Variants in ATP2C1 observed in about 807,000 individuals in gnomAD.
ATP2C1 encodes calcium-transporting ATPase type 2C member 1.
Under a neutral mutation model 120.5 loss-of-function variants are expected in ATP2C1, and 31 were observed. That is an observed-to-expected ratio of 0.26 (90% CI 0.19 to 0.35). ATP2C1 has a LOEUF of 0.35. ATP2C1 is among the 10% of genes least tolerant of loss of function. The pLI is 1.00. For synonymous variants in ATP2C1, 351 were observed against 358.7 expected, an observed-to-expected ratio of 0.98 and a Z score of 0.24; for missense variants, 731 against 1,107.5, an observed-to-expected ratio of 0.66 and a Z score of 4.83.
chr3:130,979,377 A>T lies in ATP2C1; in HGVS notation c.1699A>T (p.Lys567Ter). Residue 567 changes from lysine (K) to a stop codon, truncating the protein, a stop_gained, in exon 19 of 28, where the codon AAA becomes TAA. Coordinates refer to ENST00000510168, the MANE Select transcript of ATP2C1 (RefSeq NM_001378687.1). LOFTEE classifies it high-confidence loss of function. Reference sequence around the variant, plus strand: ...ACTCATTGCCTCAGGAGTATCAATAAAAATGATTACTGGAGATTCACAGGA... The same window carrying T: ...ACTCATTGCCTCAGGAGTATCAATATAAATGATTACTGGAGATTCACAGGA... The part of the protein sequence containing the change: ...TTLIASGVSI[K>*]MITGDSQETA... The T allele has an allele frequency of 6.2e-7, 1 of 1,613,744 alleles. No individual in the cohort carries two copies. Among genetic ancestry groups the T allele is most frequent in the Non-Finnish European group, 8.5e-7 (1 of 1,179,750 alleles).
intron 2 of ATP2C1, among the ~76,000 whole-genome samples, chr3:130,919,601 A>G (rs142115499): frequency 0.013 from 1,976 of 152,244 alleles, 39 homozygotes; most frequent in African/African-American, 0.044. Context: ...GTTGGTGGAC[A>G]TTAGGTTTCT....
exon 1 of ATP2C1, chr3:130,850,819 C>T (rs1481973383): frequency 2.1e-6 from 3 of 1,422,626 alleles, no homozygotes; most frequent in Admixed American, 2.4e-5. Flanking sequence ...GCTTTCCTCA[C>T]TATGGATAGT....
chr3:131,012,395 C>G (rs1384012974), intron 26 of ATP2C1, among the ~76,000 whole-genome samples: 1 of 151,478 alleles, frequency 6.6e-6, no homozygotes, highest in Non-Finnish European at 1.5e-5. Flanking sequence ...GTAGCTGGGA[C>G]TACAGGTGCC....
intron 2 of ATP2C1, among the ~76,000 whole-genome samples, chr3:130,901,109 A>G (rs144380141): frequency 9.5e-4 from 144 of 152,304 alleles, no homozygotes; most frequent in African/African-American, 3.3e-3. Flanking sequence ...CACAAATGCC[A>G]GAAATAGCAT....
chr3:130,934,341 A>G (rs1012190037), intron 4 of ATP2C1, among the ~76,000 whole-genome samples: 25 of 152,180 alleles, frequency 1.6e-4, no homozygotes, highest in Non-Finnish European at 5.9e-5. Context: ...TCTTAAATTA[A>G]TATACCAAAA....
At position 130,969,345 on chromosome 3, in the gene ATP2C1, T is replaced by C; in HGVS notation, c.1362T>C (p.Phe454=). ...ACATCAGAAAAGCTGAATACCCTTT[T>C]AGCTCTGAGCAAAAGTGGATGGCTG... is the stretch of plus-strand genomic sequence containing the variant. ...QDYIRKAEYP[F]SSEQKWMAVK... is the part of the protein sequence containing the mutation. The change falls in exon 17 of 28, where the codon TTT becomes TTC. Residue 454 remains phenylalanine, a synonymous_variant. Transcript: ENST00000510168. 6.2e-7 allele frequency: 1 copy of C among 1,613,992 alleles called. No individual in the cohort carries two copies. Among genetic ancestry groups the C allele is most frequent in the South Asian group, 1.1e-5 (1 of 91,074 alleles).
intron 17 of ATP2C1, among the ~76,000 whole-genome samples, chr3:130,970,942 A>G (rs960277825): frequency 2.6e-5 from 4 of 152,178 alleles, no homozygotes; most frequent in Non-Finnish European, 4.4e-5. Context: ...CAAAAAAAAG[A>G]TTTCCGTCTA....
rs1314175207 is a variant in ATP2C1 at position 130,970,371 on chromosome 3, C to T, written c.1413+975C>T. On this transcript the variant is annotated intron_variant, in intron 17 of 27. Transcript: ENST00000510168. ...AACAGCCTGTCTAAAAAAAAAATTA[C>T]ACACACACACACACACACACACACA... 2.3e-5 allele frequency among the ~76,000 whole-genome samples: 3 copies of T among 130,962 alleles called. No homozygotes were observed. The South Asian group carries it at 7.0e-4, about 30-fold the overall frequency. 85.9% of individuals were successfully genotyped at this position (130,962 alleles called of 152,430 possible). A position where few individuals can be genotyped will look rare whatever the true frequency, so the allele number is the denominator to read the frequency against.
intron 18 of ATP2C1, among the ~76,000 whole-genome samples, chr3:130,977,173 G>A (rs74421728): frequency 0.012 from 1,845 of 152,264 alleles, 22 homozygotes; most frequent in South Asian, 0.021. Flanking sequence ...AGCCTGTGTC[G>A]GAAGGGGCAG....
intron 8 of ATP2C1, among the ~76,000 whole-genome samples, chr3:130,946,908 C>G (rs980249637): frequency 1.2e-4 from 18 of 152,174 alleles, no homozygotes; most frequent in African/African-American, 4.1e-4. Context: ...TATTTGAAAA[C>G]CATGTACAGC....
downstream of ATP2C1, among the ~76,000 whole-genome samples, chr3:131,004,341 C>T (rs1236836461): frequency 6.6e-6 from 1 of 152,216 alleles, no homozygotes; most frequent in African/African-American, 2.4e-5. Flanking sequence ...ACAGATCATT[C>T]TGATGGTTAA....
At chr3:130,929,226 G>A (rs913805752) in intron 2 of ATP2C1, among the ~76,000 whole-genome samples, 1 of 152,024 alleles carries the variant, frequency 6.6e-6, no homozygotes, top group Non-Finnish European at 1.5e-5. Context: ...GTATTTAAAC[G>A]TCCAACTGTA....
In ATP2C1 at chr3:130,999,534, A is replaced by C; in HGVS notation, c.2504A>C (p.Glu835Ala). 6.2e-7 allele frequency: 1 copy of C among 1,613,712 alleles called. No individual in the cohort carries two copies. Among genetic ancestry groups the C allele is most frequent in the Non-Finnish European group, 8.5e-7 (1 of 1,179,766 alleles). ...TGCCAACAGACCAAGTCTGTGTTTG[A>C]GATTGGACTCTGCAGTAATAGAATG... ...SSRSQTKSVF[E>A]IGLCSNRMFC... The change falls in exon 27 of 28, where the codon GAG becomes GCG. Residue 835 changes from glutamate to alanine, a missense_variant. Transcript: ENST00000510168.
At chr3:131,013,670 A>T (rs981477120) in intron 26 of ATP2C1, among the ~76,000 whole-genome samples, 4 of 152,236 alleles carry the variant, frequency 2.6e-5, no homozygotes, top group Non-Finnish European at 5.9e-5. Context: ...ACTAAAGTAC[A>T]AAGAGGAAAC....
At chr3:130,979,453 G>A in intron 19 of ATP2C1, 34 bp downstream of exon 19, 1 of 1,605,220 alleles carries the variant, frequency 6.2e-7, no homozygotes, top group Non-Finnish European at 8.5e-7. Flanking sequence ...GTTTTCGATA[G>A]TTTTTCTTAA....
intron 14 of ATP2C1, 77 bp from the exon 15 acceptor site, chr3:130,967,067 GT>G: frequency 4.1e-6 from 4 of 979,398 alleles, no homozygotes; most frequent in South Asian, 1.3e-5. Context: ...ACTCATTATA[GT>G]TTTTGGGTTT....
intron 5 of ATP2C1, among the ~76,000 whole-genome samples, chr3:130,935,938 G>A (rs2108395691): frequency 6.6e-6 from 1 of 152,250 alleles, no homozygotes; most frequent in East Asian, 1.9e-4. Context: ...AGGCAAACTA[G>A]CCTTGTACTT....
rs1443037616 is a variant in ATP2C1 at position 130,894,242 on chromosome 3, G to A, written c.-276G>A. The A allele has an allele frequency of 6.1e-6, 6 of 977,080 alleles. No homozygotes were observed. The African/African-American group carries it at 9.0e-5, about 15-fold the overall frequency. The allele number at this position is 977,080 out of a possible 1,614,324, so 60.5% of individuals were successfully genotyped here. On this transcript the variant is annotated 5_prime_UTR_variant, in exon 1 of 28. Coordinates refer to ENST00000510168, the MANE Select transcript of ATP2C1 (RefSeq NM_001378687.1). The surrounding 1 kb of genome is among the most constrained non-coding windows in gnomAD (Gnocchi z 4.5). ...GGCTCCCGCCTCGCACCGCTGCCCC[G>A]CGAGCAGCTCCTCTTCTCCCGAGGC...
chr3:130,894,799 T>G lies in ATP2C1; in HGVS notation c.6+24T>G. The G allele has an allele frequency of 6.2e-7, 1 of 1,608,778 alleles. No homozygotes were observed. Among genetic ancestry groups the G allele is most frequent in the Non-Finnish European group, 8.5e-7 (1 of 1,175,006 alleles). ...AGGTAAAGGCCCCTGGCCGACCGGT[T>G]GCAACGCGGAGTTGAGGGTGTGGTG... On this transcript the variant is annotated intron_variant, in intron 2 of 27. Transcript: ENST00000510168. This position sits in a 1 kb window ranked among gnomAD's most constrained non-coding sequence, Gnocchi z 4.5.
Sources: gnomAD v4.1 joint callset for allele counts (sites outside exome capture counted in the v4.1 genomes callset) on GRCh38, gnomAD v4.1.1 for gene constraint, Gnocchi (gnomAD v3.1) non-coding constraint, MANE v1.5 for transcripts, NCBI Gene and HGNC (gene_info 2026-07-23, HGNC 2026-07-21) for gene names.